Variants in VRK3 observed in about 807,000 individuals in gnomAD.
The protein encoded by VRK3 is VRK serine/threonine kinase 3.
In VRK3, 50 loss-of-function variants were observed where a neutral mutation model predicts 60.4. The ratio of observed to expected loss-of-function variants is 0.83; its 90% CI spans 0.66 to 1.05. The LOEUF is 1.05. Among genes scored for constraint, VRK3 ranks in the 50% least tolerant of loss-of-function variants. The pLI, the probability that VRK3 is intolerant of heterozygous loss-of-function variation, is 0.00. For missense variants in VRK3, 549 were observed against 585.3 expected, an observed-to-expected ratio of 0.94 and a Z score of 0.64; for synonymous variants, 246 against 227.8, an observed-to-expected ratio of 1.08 and a Z score of -0.72.
intron 10 of VRK3, among the ~76,000 whole-genome samples, 161 bp downstream of exon 10, chr19:49,992,699 T>G (rs2076631756): frequency 6.6e-6 from 1 of 152,250 alleles, no homozygotes; most frequent in African/African-American, 2.4e-5. Context: ...TTGTCCATTT[T>G]CCTACTAAGT....
intron 1 of VRK3, among the ~76,000 whole-genome samples, chr19:50,023,743 G>T (rs963888563): frequency 6.6e-6 from 1 of 152,098 alleles, no homozygotes; most frequent in Non-Finnish European, 1.5e-5. Flanking sequence ...GGTGGGTGGG[G>T]GGGGTCCCCA....
At chr19:49,976,862 CCTTCTAGGTTCTGGGGATGTCAT>C (rs1345772754) in intron 14 of VRK3, 78 bp from the exon 15 acceptor site, 4 of 152,204 alleles carry the variant, frequency 2.6e-5, no homozygotes, top group African/African-American at 9.7e-5. Context: ...ATGCCAAGCA[CCTTCTAGGTTCTGGGGATGTCAT>C]CTTCTAGGTA....
chr19:49,985,729 C>A (rs2076502826), intron 12 of VRK3, among the ~76,000 whole-genome samples: 1 of 152,152 alleles, frequency 6.6e-6, no homozygotes, highest in Non-Finnish European at 1.5e-5. Context: ...ATTCCTGTAT[C>A]CCCAGGGCCT....
chr19:49,989,722 T>C lies in VRK3; in HGVS notation c.1013A>G (p.Lys338Arg). The C allele has an allele frequency of 6.2e-7, 1 of 1,613,832 alleles. No homozygotes were observed. Among genetic ancestry groups the C allele is most frequent in the Non-Finnish European group, 8.5e-7 (1 of 1,179,782 alleles). Residue 338 changes from lysine (K) to arginine (R), a missense_variant, in exon 11 of 15, where the codon AAA becomes AGA. By Grantham distance (26) the Lys-to-Arg change is conservative (BLOSUM62 2). Coordinates refer to ENST00000316763, the MANE Select transcript of VRK3 (RefSeq NM_016440.4). ...GCTGCCTTCCACGTAGGCCACGTGT[T>C]TGCCACTTGGGCAATAGCGGAAGGC... ...GFAFRYCPSG[K>R]HVAYVEGSRS...
chr19:49,996,837 G>C (rs2076713235), intron 7 of VRK3, among the ~76,000 whole-genome samples: 1 of 149,834 alleles, frequency 6.7e-6, no homozygotes, highest in African/African-American at 2.5e-5. Context: ...GGCTACTCTT[G>C]AACTCCTGAC....
chr19:50,023,737 G>C (rs1047091391), intron 1 of VRK3, among the ~76,000 whole-genome samples: 2 of 143,110 alleles, frequency 1.4e-5, no homozygotes, highest in South Asian at 2.3e-4. Context: ...CAAGAAGGTG[G>C]GTGGGGGGGG....
chr19:49,978,860 A>G (rs1337593219), intron 14 of VRK3: 5 of 438,276 alleles, frequency 1.1e-5, no homozygotes, highest in Non-Finnish European at 2.0e-5. Flanking sequence ...ACAGCCAATC[A>G]ATCCCCACTT....
intron 10 of VRK3, among the ~76,000 whole-genome samples, chr19:49,992,275 C>T (rs1191777390): frequency 4.6e-5 from 7 of 152,298 alleles, no homozygotes; most frequent in East Asian, 1.9e-4. Context: ...GGCGTAGTGG[C>T]GCATGCCTGT....
At chr19:49,985,649 T>C (rs2076500898) in intron 12 of VRK3, among the ~76,000 whole-genome samples, 1 of 152,152 alleles carries the variant, frequency 6.6e-6, no homozygotes, top group Admixed American at 6.5e-5. Flanking sequence ...CACCATGTGT[T>C]TCACCCTTTA....
chr19:49,995,616 T>A (rs1475464170), intron 7 of VRK3, among the ~76,000 whole-genome samples: 2 of 146,226 alleles, frequency 1.4e-5, no homozygotes, highest in Admixed American at 1.3e-4. Flanking sequence ...AACCTAGCCA[T>A]GGCATCACCG....
Position 50,000,868 on chromosome 19 carries a change from A to C in VRK3, c.548-14T>G. ...AGGTGGGTGCAGCTGTGGGGGAACA[A>C]ACAAGGGAGTGAGGTTATAACCACG... On this transcript the variant is annotated splice_polypyrimidine_tract_variant and intron_variant, in intron 5 of 14. Transcript: ENST00000316763. 6.2e-7 allele frequency: 1 copy of C among 1,612,990 alleles called. No homozygotes were observed. The highest frequency in any genetic ancestry group is 8.5e-7 in the Non-Finnish European group (1 of 1,179,494).
At chr19:49,980,488 G>T (rs978925294) in intron 13 of VRK3, among the ~76,000 whole-genome samples, 33 of 152,134 alleles carry the variant, frequency 2.2e-4, no homozygotes, top group African/African-American at 7.5e-4. Context: ...GGCCGAGGTA[G>T]GTAGATCAGT....
Position 49,979,359 on chromosome 19 carries a change from G to T in VRK3, c.1277-117C>A, listed in dbSNP as rs2076385552. The T allele has an allele frequency of 5.3e-6, 7 of 1,332,476 alleles. No homozygotes were observed. In the East Asian group the frequency reaches 1.8e-4, roughly 34 times the overall value. The allele number at this position is 1,332,476 out of a possible 1,614,324, so 82.5% of individuals were successfully genotyped here. Reference sequence around the variant, plus strand: ...GGGACTGAGGGGCATGAGGGTCTCAGCAAAAGTGCCCATTTTCTTGTTGCC... The same window carrying T: ...GGGACTGAGGGGCATGAGGGTCTCATCAAAAGTGCCCATTTTCTTGTTGCC... On this transcript the variant is annotated intron_variant, in intron 13 of 14. Coordinates refer to ENST00000316763, the MANE Select transcript of VRK3 (RefSeq NM_016440.4).
At chr19:49,977,299 G>A (rs528615737) in intron 14 of VRK3, among the ~76,000 whole-genome samples, 2 of 152,174 alleles carry the variant, frequency 1.3e-5, no homozygotes, top group African/African-American at 4.8e-5. Flanking sequence ...GCACAGGCAA[G>A]ATGACCTTCA....
At chr19:49,981,248 T>C in intron 12 of VRK3, 3 of 562,006 alleles carry the variant, frequency 5.3e-6, no homozygotes, top group Non-Finnish European at 9.6e-6. Context: ...TTTTCCCCGA[T>C]CAATACACCT....
intron 6 of VRK3, chr19:49,997,975 G>A (rs758009278): frequency 9.0e-5 from 14 of 156,018 alleles, no homozygotes; most frequent in Middle Eastern, 3.2e-3. Context: ...TGTTCCAGCT[G>A]GCTGCAACGC....
At chr19:50,003,418 G>A (rs1263161973) in intron 5 of VRK3, among the ~76,000 whole-genome samples, 3 of 152,252 alleles carry the variant, frequency 2.0e-5, no homozygotes, top group Non-Finnish European at 4.4e-5. Context: ...AAGCTGCAGA[G>A]GGCAGCGTGG....
At chr19:50,016,488 C>A (rs1342590801) in intron 2 of VRK3, among the ~76,000 whole-genome samples, 1 of 152,178 alleles carries the variant, frequency 6.6e-6, no homozygotes, top group Non-Finnish European at 1.5e-5. Context: ...CTGCCTCCCC[C>A]TCCACCTGCA....
At chr19:49,990,569 T>TGC (rs1169565229) in intron 10 of VRK3, among the ~76,000 whole-genome samples, 1 of 151,900 alleles carries the variant, frequency 6.6e-6, no homozygotes, top group Non-Finnish European at 1.5e-5. Flanking sequence ...GATGGGGTTT[T>TGC]GCCCTGTTGC....
Sources: gnomAD v4.1 joint callset for allele counts (sites outside exome capture counted in the v4.1 genomes callset) on GRCh38, gnomAD v4.1.1 for gene constraint, MANE v1.5 for transcripts, NCBI Gene and HGNC (gene_info 2026-07-23, HGNC 2026-07-21) for gene names.